INKA2: variants seen among roughly 807,000 people sequenced by gnomAD.
The protein encoded by INKA2 is PAK4-inhibitor INKA2.
A neutral mutation model predicts 9.8 loss-of-function variants in INKA2; 3 were observed. That is an observed-to-expected ratio of 0.31 (90% confidence interval 0.14 to 0.79). The LOEUF is 0.79. INKA2 is among the 30% of genes least tolerant of loss of function. The probability of loss-of-function intolerance (pLI) is 0.62; values close to 1 mark genes in which losing one functional copy is unlikely to be tolerated. For missense variants in INKA2, 392 were observed against 384.4 expected (o/e 1.02, Z -0.17); for synonymous variants, 147 against 143.3 (o/e 1.03, Z -0.18).
chr1:111,753,477 G>A (rs1233702465), intron 1 of INKA2, among the ~76,000 whole-genome samples: 1 of 152,178 alleles, frequency 6.6e-6, no homozygotes, highest in African/African-American at 2.4e-5. Flanking sequence ...TATTCACCAT[G>A]GTTCCCAATA....
At chr1:111,735,596 G>A (rs1662993337) in intron 1 of INKA2, among the ~76,000 whole-genome samples, 1 of 152,154 alleles carries the variant, frequency 6.6e-6, no homozygotes, top group African/African-American at 2.4e-5. Flanking sequence ...TGCTTAACTA[G>A]TCACATAGTC....
At chr1:111,735,104 C>T (rs1308644073) in intron 1 of INKA2, among the ~76,000 whole-genome samples, 1 of 152,204 alleles carries the variant, frequency 6.6e-6, no homozygotes, top group Non-Finnish European at 1.5e-5. Context: ...AATTAAATGA[C>T]ATCATAAATT....
At chr1:111,750,072 C>T (rs1268891676) in intron 1 of INKA2, among the ~76,000 whole-genome samples, 1 of 152,200 alleles carries the variant, frequency 6.6e-6, no homozygotes, top group Non-Finnish European at 1.5e-5. Flanking sequence ...GCCCCTTTCT[C>T]GAAAGAAGAG....
upstream of INKA2, among the ~76,000 whole-genome samples, chr1:111,743,591 C>G (rs191226950): frequency 2.0e-5 from 3 of 152,342 alleles, no homozygotes; most frequent in Non-Finnish European, 4.4e-5. Context: ...TCTCCTGGCT[C>G]CAGATCCTAT....
Position 111,727,759 on chromosome 1 carries a change from A to T in INKA2, c.103T>A (p.Cys35Ser). 6.2e-7 allele frequency: 1 copy of T among 1,611,914 alleles called. No homozygotes were observed. The highest frequency in any genetic ancestry group is 8.5e-7 in the Non-Finnish European group (1 of 1,180,014). Residue 35 changes from cysteine (C) to serine (S), a missense_variant, in exon 2 of 2, where the codon TGC becomes AGC. Cys to Ser is a moderately radical substitution (Grantham distance 112). Coordinates refer to ENST00000357260, the MANE Select transcript of INKA2 (RefSeq NM_019099.5). Reference sequence around the variant, plus strand: ...AGTTCTTGCAGTGCACCCATCATGCAGTTCATCTGATCCTGTAAGCCATCA... The same window carrying T: ...AGTTCTTGCAGTGCACCCATCATGCTGTTCATCTGATCCTGTAAGCCATCA... The part of the protein sequence containing the change: ...VGDGLQDQMN[C>S]MMGALQELKL...
chr1:111,741,206 A>ACAATAGCCCT (rs1663143914), upstream of INKA2, among the ~76,000 whole-genome samples: 1 of 152,096 alleles, frequency 6.6e-6, no homozygotes, highest in African/African-American at 2.4e-5. Context: ...CCTCAATTAC[A>ACAATAGCCCT]CAATAGCCCT....
intron 1 of INKA2, among the ~76,000 whole-genome samples, chr1:111,750,315 C>A (rs79827236): frequency 6.6e-6 from 1 of 152,122 alleles, no homozygotes; most frequent in African/African-American, 2.4e-5. Context: ...GCTAGTCACC[C>A]CATAAGCCAT....
At chr1:111,741,717 T>G (rs1571598449), upstream of INKA2, among the ~76,000 whole-genome samples, 1 of 151,990 alleles carries the variant, frequency 6.6e-6, no homozygotes. Context: ...GCTGAAATAG[T>G]GTTTTTGTTT....
rs910545961 is a variant in INKA2, at chr1:111,723,231, G to A, written c.*3737C>T. The A allele has an allele frequency of 2.8e-5, 17 of 599,930 alleles. No homozygotes were observed. The highest frequency in any genetic ancestry group is 7.6e-5 in the African/African-American group (4 of 52,944). 37.2% of individuals were successfully genotyped at this position (599,930 alleles called of 1,614,324 possible). A position where few individuals can be genotyped will look rare whatever the true frequency, so the allele number is the denominator to read the frequency against. The stretch of plus-strand genomic sequence containing the variant: ...ATGGTGTGACTTGGGAAAGATGGAG[G>A]AGCCTCTCCCCAACAAGGCCCTAGG... On this transcript the variant is annotated 3_prime_UTR_variant, in exon 2 of 2. Coordinates refer to ENST00000357260, the MANE Select transcript of INKA2 (RefSeq NM_019099.5).
chr1:111,747,361 C>T (rs197374), intron 1 of INKA2: 72,669 of 152,094 alleles, frequency 0.48, 18,745 homozygotes, highest in African/African-American at 0.69. Flanking sequence ...TGCATAGTGA[C>T]CAAACCCCGC....
At chr1:111,736,115 C>T (rs761388888) in intron 1 of INKA2, among the ~76,000 whole-genome samples, 5 of 152,204 alleles carry the variant, frequency 3.3e-5, no homozygotes, top group Non-Finnish European at 5.9e-5. Context: ...CAGGCAGGGC[C>T]CCTCTTTGGC....
upstream of INKA2, among the ~76,000 whole-genome samples, chr1:111,742,497 A>G (rs1286911627): frequency 6.6e-6 from 1 of 152,216 alleles, no homozygotes; most frequent in Non-Finnish European, 1.5e-5. Context: ...AGGCAGTAGA[A>G]TCGCCTGAAC....
intron 1 of INKA2, among the ~76,000 whole-genome samples, chr1:111,728,903 CTTT>C (rs34918562): frequency 1.3e-4 from 15 of 115,554 alleles, no homozygotes; most frequent in African/African-American, 4.1e-4. Context: ...TGGAGCTAGG[CTTT>C]TTTTTTTTTT....
chr1:111,728,650 C>G (rs780086178), intron 1 of INKA2, among the ~76,000 whole-genome samples: 1 of 152,144 alleles, frequency 6.6e-6, no homozygotes. Flanking sequence ...AGTCAAAACT[C>G]TTTTATGCAC....
At chr1:111,742,890 T>G (rs1663177307), upstream of INKA2, among the ~76,000 whole-genome samples, 2 of 152,252 alleles carry the variant, frequency 1.3e-5, no homozygotes, top group African/African-American at 4.8e-5. Flanking sequence ...CGTATTCCCT[T>G]GCTTCTGAGA....
At chr1:111,745,293 ATTTTTTTTTTTTT>A (rs200702069) in intron 1 of INKA2, 16 of 49,268 alleles carry the variant, frequency 3.2e-4, no homozygotes, top group African/African-American at 1.1e-3. Context: ...ATATATATAT[ATTTTTTTTTTTTT>A]TTTTTTTTGA....
upstream of INKA2, among the ~76,000 whole-genome samples, chr1:111,741,330 T>C (rs558874041): frequency 5.9e-5 from 9 of 152,318 alleles, no homozygotes; most frequent in African/African-American, 2.2e-4. Context: ...ACTTGGTCGG[T>C]GACCGCTGGC....
At position 111,725,801 on chromosome 1, in the gene INKA2, C is replaced by T. The variant is rs987358202; in HGVS notation, c.*1167G>A. The T allele has an allele frequency of 8.0e-6, 2 of 250,836 alleles. No homozygotes were observed. Among genetic ancestry groups the T allele is most frequent in the Admixed American group, 5.5e-5 (1 of 18,214 alleles). The allele number at this position is 250,836 out of a possible 1,614,324, so 15.5% of individuals were successfully genotyped here. The stretch of plus-strand genomic sequence containing the variant: ...AGGCTGGAGTGCAGTGGCATGATCT[C>T]GCCTCACTGCAACCTCCCTCTCCCG... On this transcript the variant is annotated 3_prime_UTR_variant, in exon 2 of 2. Transcript: ENST00000357260.
intron 1 of INKA2, among the ~76,000 whole-genome samples, chr1:111,728,077 AT>A (rs1216498377): frequency 6.6e-6 from 1 of 151,568 alleles, no homozygotes; most frequent in Non-Finnish European, 1.5e-5. Flanking sequence ...ACACACAGAC[AT>A]TTCATCTCCC....
Sources: allele counts gnomAD v4.1 joint callset (sites outside exome capture counted in the v4.1 genomes callset), GRCh38; gene constraint gnomAD v4.1.1; transcripts MANE v1.5; gene names NCBI Gene and HGNC (gene_info 2026-07-23, HGNC 2026-07-21).